LRFN5: variants seen among roughly 807,000 people sequenced by gnomAD.
LRFN5 encodes leucine rich repeat and fibronectin type III domain containing 5.
Under a neutral mutation model 45.6 loss-of-function variants are expected in LRFN5, and 24 were observed. The observed-to-expected ratio is 0.53, with a 90% confidence interval of 0.38 to 0.74. LRFN5 has a LOEUF of 0.74. LRFN5 is among the 30% of genes least tolerant of loss of function. The pLI is 0.00. For synonymous variants in LRFN5, 340 were observed against 313.8 expected (o/e 1.08, Z -0.88); for missense variants, 776 against 861.5 (o/e 0.90, Z 1.24).
chr14:41,625,180 C>CT (rs1457944167), intron 1 of LRFN5, among the ~76,000 whole-genome samples: 2 of 152,204 alleles, frequency 1.3e-5, no homozygotes, highest in South Asian at 2.1e-4. Context: ...GTGTTGTACT[C>CT]TAACGTTGAT....
intron 1 of LRFN5, among the ~76,000 whole-genome samples, chr14:41,625,930 T>C (rs1019054499): frequency 2.0e-5 from 3 of 152,124 alleles, no homozygotes; most frequent in Non-Finnish European, 2.9e-5. Flanking sequence ...AAATATGTGG[T>C]TACTTAAGCA....
chr14:41,806,720 C>T (rs712408), intron 2 of LRFN5, among the ~76,000 whole-genome samples: 99,256 of 151,924 alleles, frequency 0.65, 32,932 homozygotes, highest in East Asian at 0.92. Flanking sequence ...TGGGGATAAT[C>T]CAGCTAAGCA....
At chr14:41,747,205 G>A (rs552833977) in intron 1 of LRFN5, among the ~76,000 whole-genome samples, 5 of 151,752 alleles carry the variant, frequency 3.3e-5, no homozygotes, top group African/African-American at 9.7e-5. Flanking sequence ...AACACATACC[G>A]AATTTCAAGG....
chr14:41,816,696 T>C (rs1195273127), intron 2 of LRFN5, among the ~76,000 whole-genome samples: 5 of 152,084 alleles, frequency 3.3e-5, no homozygotes. Context: ...TCTGGTATTT[T>C]CCAAACTTTG....
intron 1 of LRFN5, among the ~76,000 whole-genome samples, chr14:41,678,762 C>T (rs1566617678): frequency 6.6e-6 from 1 of 152,138 alleles, no homozygotes; most frequent in Non-Finnish European, 1.5e-5. Flanking sequence ...ACTATCCACA[C>T]AAGAAAGCAC....
Position 41,674,078 on chromosome 14 carries a change from A to AC in LRFN5, c.-197+65523dup, listed in dbSNP as rs576618356. Among the ~76,000 whole-genome samples, 232 of 140,112 alleles carry AC rather than the reference A, an allele frequency of 1.7e-3. 2 individuals carry two copies. The highest frequency in any genetic ancestry group is 0.011 in the South Asian group (45 of 4,192). 91.9% of individuals were successfully genotyped at this position (140,112 alleles called of 152,430 possible). On this transcript the variant is annotated intron_variant, in intron 1 of 5. Coordinates refer to ENST00000298119, the MANE Select transcript of LRFN5 (RefSeq NM_152447.5). Reference sequence around the variant, plus strand: ...GGGCGGCTGGCTGGGCGGGGGGCTGACCCCCCCACCTCCCTCCTGGACGGG... The same window carrying AC: ...GGGCGGCTGGCTGGGCGGGGGGCTGACCCCCCCCACCTCCCTCCTGGACGGG...
chr14:41,747,077 C>A (rs1884950405), intron 1 of LRFN5, among the ~76,000 whole-genome samples: 1 of 151,894 alleles, frequency 6.6e-6, no homozygotes, highest in Admixed American at 6.6e-5. Flanking sequence ...TAGAAAGAAT[C>A]CCTATGTTCA....
chr14:41,723,260 G>A (rs548878549), intron 1 of LRFN5, among the ~76,000 whole-genome samples: 8 of 152,284 alleles, frequency 5.3e-5, no homozygotes, highest in South Asian at 2.1e-4. Flanking sequence ...AGAAAGGGTG[G>A]TGTGGCTCAG....
At chr14:41,894,295 T>C in intron 4 of LRFN5, 2 of 943,784 alleles carry the variant, frequency 2.1e-6, no homozygotes, top group Non-Finnish European at 2.5e-6. Flanking sequence ...CTACTTATGT[T>C]TCTAATAAAG....
chr14:41,649,399 A>C lies in LRFN5; in HGVS notation c.-197+40837A>C, dbSNP rs560059627. On this transcript the variant is annotated intron_variant, in intron 1 of 5. Transcript: ENST00000298119. ...ACTTGAGTAAATATATTACCACTGTAGATCAAAATAAATACTCAAATATTT... is the reference window on the plus strand; with the variant it reads ...ACTTGAGTAAATATATTACCACTGTCGATCAAAATAAATACTCAAATATTT... 8.8e-4 allele frequency among the ~76,000 whole-genome samples: 134 copies of C among 152,336 alleles called. 1 individual carries two copies. The highest frequency in any genetic ancestry group is 1.6e-3 in the Non-Finnish European group (111 of 68,028).
At chr14:41,808,490 T>G (rs1887614249) in intron 2 of LRFN5, among the ~76,000 whole-genome samples, 1 of 109,730 alleles carries the variant, frequency 9.1e-6, no homozygotes, top group Non-Finnish European at 1.8e-5. Flanking sequence ...TACCCAATTG[T>G]GGCCAGACAA....
chr14:41,759,526 A>G (rs934241623), intron 1 of LRFN5, among the ~76,000 whole-genome samples: 1 of 150,780 alleles, frequency 6.6e-6, no homozygotes, highest in Non-Finnish European at 1.5e-5. Context: ...ACAGCATTTT[A>G]TTTTATTTTA....
chr14:41,787,437 C>T (rs1044975820), intron 2 of LRFN5, among the ~76,000 whole-genome samples: 1 of 151,928 alleles, frequency 6.6e-6, no homozygotes, highest in Non-Finnish European at 1.5e-5. Flanking sequence ...AATCTCATTG[C>T]TACTCTTTTT....
chr14:41,761,134 C>T (rs1334954009), intron 1 of LRFN5, among the ~76,000 whole-genome samples: 1 of 151,962 alleles, frequency 6.6e-6, no homozygotes, highest in Non-Finnish European at 1.5e-5. Flanking sequence ...CAGTTGTGTG[C>T]ATGTATGTAA....
chr14:41,778,943 T>C (rs1368731068), intron 2 of LRFN5, among the ~76,000 whole-genome samples: 1 of 151,822 alleles, frequency 6.6e-6, no homozygotes, highest in Non-Finnish European at 1.5e-5. Flanking sequence ...AGACGTGTCA[T>C]CTGTGAACAA....
chr14:41,800,680 T>C (rs1887296314), intron 2 of LRFN5, among the ~76,000 whole-genome samples: 1 of 151,504 alleles, frequency 6.6e-6, no homozygotes, highest in African/African-American at 2.4e-5. Flanking sequence ...TTTAAAAAAA[T>C]TAAATGCAGC....
At chr14:41,856,355 G>T (rs1205144869) in intron 2 of LRFN5, among the ~76,000 whole-genome samples, 1 of 152,172 alleles carries the variant, frequency 6.6e-6, no homozygotes, top group Non-Finnish European at 1.5e-5. Flanking sequence ...CTCGTGGTAT[G>T]TTCTACACAT....
At chr14:41,818,253 C>T (rs1887988841) in intron 2 of LRFN5, among the ~76,000 whole-genome samples, 1 of 151,830 alleles carries the variant, frequency 6.6e-6, no homozygotes, top group Non-Finnish European at 1.5e-5. Context: ...ATCTTCAACT[C>T]TTCTTTTAAT....
At chr14:41,689,873 C>A (rs1434023213) in intron 1 of LRFN5, among the ~76,000 whole-genome samples, 1 of 131,288 alleles carries the variant, frequency 7.6e-6, no homozygotes, top group Non-Finnish European at 1.6e-5. Context: ...TCCACCTGGG[C>A]CACAGAGCGA....
Sources: gnomAD v4.1 joint callset for allele counts (sites outside exome capture counted in the v4.1 genomes callset) on GRCh38, gnomAD v4.1.1 for gene constraint, MANE v1.5 for transcripts, NCBI Gene and HGNC (gene_info 2026-07-23, HGNC 2026-07-21) for gene names.